SYTL2: variants seen among roughly 807,000 people sequenced by gnomAD.
The protein encoded by SYTL2 is synaptotagmin like 2, also known as synaptotagmin-like protein 2.
In SYTL2, 165 loss-of-function variants were observed where a neutral mutation model predicts 198.7. The observed-to-expected ratio is 0.83, with a 90% confidence interval of 0.73 to 0.94. The LOEUF (loss-of-function observed/expected upper bound fraction) is 0.94. SYTL2 is among the 40% of genes least tolerant of loss of function. SYTL2 has a pLI of 0.00. For synonymous variants in SYTL2, 966 were observed against 917.7 expected (o/e 1.05, Z -0.95); for missense variants, 2,835 against 2,582.8 (o/e 1.10, Z -2.12).
chr11:85,778,507 C>T (rs2092499387), intron 1 of SYTL2, among the ~76,000 whole-genome samples: 1 of 152,270 alleles, frequency 6.6e-6, no homozygotes, highest in Non-Finnish European at 1.5e-5. Context: ...AGTTAGAAAG[C>T]AGAACCAGTT....
chr11:85,758,949 T>C (rs1273161339), intron 1 of SYTL2, among the ~76,000 whole-genome samples: 3 of 152,148 alleles, frequency 2.0e-5, no homozygotes, highest in Non-Finnish European at 1.5e-5. Flanking sequence ...AAACCTTTAG[T>C]AAATTTTAAA....
chr11:85,802,220 C>CTTTTTTTTTTTTTT (rs5793172), intron 1 of SYTL2, among the ~76,000 whole-genome samples: 6 of 122,592 alleles, frequency 4.9e-5, no homozygotes, highest in South Asian at 2.6e-4. Context: ...TTTTTCTTTT[C>CTTTTTTTTTTTTTT]TTTTTTTTTT....
rs894390518 is a variant in SYTL2, at chr11:85,727,311, C to T, written c.2047G>A (p.Val683Ile). The T allele has an allele frequency of 1.2e-5, 19 of 1,535,664 alleles. No individual in the cohort carries two copies. The highest frequency in any genetic ancestry group is 4.1e-5 in the African/African-American group (3 of 72,988). The part of the protein sequence containing the change: ...VLKESDAENQ[V>I]PCNTNNIGNL... ...CCAATATTATTAGTGTTGCATGGAA[C>T]TTGGTTTTCTGCATCAGATTCCTTG... The change falls in exon 8 of 20, where the codon GTT becomes ATT. Residue 683 changes from valine (V) to isoleucine (I), a missense_variant. Around this residue, in one of 3 missense-constraint regions of SYTL2, gnomAD observed 2,645 missense variants for 2,381.7 expected, o/e 1.11. Transcript: ENST00000359152.
intron 1 of SYTL2, among the ~76,000 whole-genome samples, chr11:85,773,351 T>C (rs1192731156): frequency 6.6e-6 from 1 of 152,222 alleles, no homozygotes; most frequent in African/African-American, 2.4e-5. Context: ...TCTTTAAACT[T>C]ACCTTTCACA....
intron 1 of SYTL2, among the ~76,000 whole-genome samples, chr11:85,779,396 C>T (rs1020658462): frequency 6.6e-5 from 10 of 152,198 alleles, no homozygotes; most frequent in African/African-American, 2.2e-4. Context: ...TCCCCAAATC[C>T]TCAGTCCAAC....
intron 8 of SYTL2, among the ~76,000 whole-genome samples, chr11:85,722,639 C>T (rs2088522258): frequency 6.6e-6 from 1 of 151,856 alleles, no homozygotes; most frequent in Non-Finnish European, 1.5e-5. Context: ...TTAGTAAGAG[C>T]CTACCTCAAC....
At chr11:85,800,046 C>T (rs2092862343) in intron 1 of SYTL2, among the ~76,000 whole-genome samples, 1 of 152,204 alleles carries the variant, frequency 6.6e-6, no homozygotes, top group Admixed American at 6.5e-5. Context: ...TTAAACTAAG[C>T]TCACACCCTT....
Position 85,734,622 on chromosome 11 carries a change from G to A in SYTL2, c.707C>T (p.Pro236Leu). Residue 236 changes from proline to leucine, a missense_variant, in exon 7 of 20, where the codon CCC becomes CTC. Coordinates refer to ENST00000359152, the MANE Select transcript of SYTL2 (RefSeq NM_206927.4). ...TTTGTAGATCATCTTCCTGGCTTTG[G>A]GGATTGGAGCCTTGATTTGGGACCC... ...SNGSQIKAPIPKARKMIYKST... is the reference protein window; with the variant it reads ...SNGSQIKAPILKARKMIYKST... 6.2e-7 allele frequency: 1 copy of A among 1,614,130 alleles called. No individual in the cohort carries two copies.
intron 1 of SYTL2, among the ~76,000 whole-genome samples, chr11:85,786,964 T>C (rs1161433224): frequency 6.6e-6 from 1 of 152,190 alleles, no homozygotes; most frequent in Non-Finnish European, 1.5e-5. Flanking sequence ...AATAAATGGA[T>C]AAGCAAATGA....
chr11:85,780,477 A>C (rs757096903), intron 1 of SYTL2, among the ~76,000 whole-genome samples: 22 of 152,186 alleles, frequency 1.4e-4, no homozygotes, highest in Non-Finnish European at 2.6e-4. Flanking sequence ...GGGAGAAGAG[A>C]GGTCCCTGCC....
intron 1 of SYTL2, among the ~76,000 whole-genome samples, chr11:85,789,359 T>C (rs1430610103): frequency 1.6e-5 from 1 of 63,408 alleles, no homozygotes; most frequent in African/African-American, 6.1e-5. Flanking sequence ...TATATATATA[T>C]ATATATATAT....
chr11:85,724,589 T>C lies in SYTL2; in HGVS notation c.4769A>G (p.Glu1590Gly), dbSNP rs767748189. 26 of 1,612,990 alleles carry C rather than the reference T, an allele frequency of 1.6e-5. No homozygotes were observed. Among genetic ancestry groups the C allele is most frequent in the Non-Finnish European group, 2.1e-5 (25 of 1,179,726 alleles). The change falls in exon 8 of 20, where the codon GAA becomes GGA. Residue 1590 changes from glutamate to glycine, a missense_variant. Transcript: ENST00000359152. ...PYQPQVSVRE[E>G]THEKESSQSE... The stretch of plus-strand genomic sequence containing the variant: ...CTGTGAGGACTCCTTCTCGTGAGTT[T>C]CTTCTCTCACTGACACCTGGGGCTG...
chr11:85,758,761 T>C (rs2091991737), intron 1 of SYTL2, among the ~76,000 whole-genome samples: 1 of 152,188 alleles, frequency 6.6e-6, no homozygotes. Context: ...CCATCCAAAG[T>C]GAGGATTTTT....
At chr11:85,844,410 A>G in the SYTL2 span, among the ~76,000 whole-genome samples, 1 of 152,188 alleles carries the variant, frequency 6.6e-6, no homozygotes, top group Admixed American at 6.5e-5. Flanking sequence ...ATTCCTGAAA[A>G]TGTCATTTTA....
chr11:85,785,072 G>C (rs2092615832), intron 1 of SYTL2, among the ~76,000 whole-genome samples: 1 of 152,044 alleles, frequency 6.6e-6, no homozygotes, highest in African/African-American at 2.4e-5. Context: ...AGGTGAGAAA[G>C]GGGAAATTTG....
Position 85,805,766 on chromosome 11 carries a change from C to G in SYTL2, c.-390+5188G>C, listed in dbSNP as rs78859095. 6.1e-3 allele frequency among the ~76,000 whole-genome samples: 933 copies of G among 152,310 alleles called. 4 individuals carry two copies. Among genetic ancestry groups the G allele is most frequent in the Non-Finnish European group, 9.6e-3 (650 of 68,016 alleles). ...GAAATCAACTGATACCTTTCTTTCC[C>G]CCTCTAACTCAGAAGGCAAATACGT... On this transcript the variant is annotated intron_variant, in intron 1 of 19. Transcript: ENST00000359152.
chr11:85,742,916 C>G (rs2153514487), intron 4 of SYTL2, among the ~76,000 whole-genome samples: 1 of 152,290 alleles, frequency 6.6e-6, no homozygotes, highest in African/African-American at 2.4e-5. Context: ...CTCTCTGCTT[C>G]CTTGTACTCC....
chr11:85,830,715 A>T, the SYTL2 span, among the ~76,000 whole-genome samples: 10 of 152,328 alleles, frequency 6.6e-5, no homozygotes, highest in Non-Finnish European at 1.5e-4. Context: ...CTGTGGTGGG[A>T]CAATTTTGGA....
In SYTL2 at chr11:85,727,768, A is replaced by G. The variant is rs957073226; in HGVS notation, c.1590T>C (p.Ser530=). The G allele has an allele frequency of 2.5e-6, 4 of 1,570,756 alleles. No homozygotes were observed. In the African/African-American group the frequency reaches 4.1e-5, roughly 16 times the overall value. Residue 530 remains serine (S), a synonymous_variant, in exon 8 of 20, where the codon TCT becomes TCC. Transcript: ENST00000359152. The stretch of plus-strand genomic sequence containing the variant: ...GGAATGACTTATTGTCATCTGAATA[A>G]GAACTTCGGTTAAACCAGTCTAGAA... ...FKVLDWFNRS[S]YSDDNKSFLQ...
Sources: allele counts gnomAD v4.1 joint callset (sites outside exome capture counted in the v4.1 genomes callset), GRCh38; gene constraint gnomAD v4.1.1; regional missense constraint gnomAD v4.1.1; transcripts MANE v1.5; gene names NCBI Gene and HGNC (gene_info 2026-07-23, HGNC 2026-07-21).